Variants in CDH13 observed in about 807,000 individuals in gnomAD.
CDH13 encodes cadherin 13.
A neutral mutation model predicts 63.8 loss-of-function variants in CDH13; 24 were observed. The observed-to-expected ratio is 0.38, with a 90% CI of 0.27 to 0.53. The LOEUF is 0.53. Among genes scored for constraint, CDH13 ranks in the 20% least tolerant of loss-of-function variants. The pLI, the probability that CDH13 is intolerant of heterozygous loss-of-function variation, is 0.85. For synonymous variants in CDH13, 503 were observed against 355.3 expected, an observed-to-expected ratio of 1.42 and a Z score of -4.67; for missense variants, 1,049 against 903.1, an observed-to-expected ratio of 1.16 and a Z score of -2.07.
intron 3 of CDH13, among the ~76,000 whole-genome samples, chr16:83,105,901 A>G (rs532875301): frequency 2.0e-5 from 3 of 152,328 alleles, no homozygotes; most frequent in East Asian, 3.9e-4. Flanking sequence ...AGTTAGAGAA[A>G]CGACACAATG....
intron 2 of CDH13, among the ~76,000 whole-genome samples, chr16:83,007,680 T>G (rs1913676349): frequency 6.6e-6 from 1 of 151,992 alleles, no homozygotes; most frequent in South Asian, 2.1e-4. Flanking sequence ...AAATATTAGC[T>G]GGGCAGGGTG....
intron 4 of CDH13, among the ~76,000 whole-genome samples, chr16:83,143,329 A>G (rs1446588479): frequency 6.6e-6 from 1 of 152,226 alleles, no homozygotes; most frequent in Non-Finnish European, 1.5e-5. Flanking sequence ...AAGAAAAAAT[A>G]TTTAGGAAAG....
At position 83,795,140 on chromosome 16, in the gene CDH13, G is replaced by C. The variant is rs1185891998; in HGVS notation, c.*110G>C. ...TTACAGCTATCGAACTTCACAACTA[G>C]GCCTCAATTGTTCCGGTTTTTTATT... On this transcript the variant is annotated 3_prime_UTR_variant, in exon 14 of 14. Coordinates refer to ENST00000567109, the MANE Select transcript of CDH13 (RefSeq NM_001257.5). The C allele has an allele frequency of 1.2e-6, 1 of 842,176 alleles. No individual in the cohort carries two copies. The highest frequency in any genetic ancestry group is 2.7e-5 in the Admixed American group (1 of 37,042). The allele number at this position is 842,176 out of a possible 1,614,324, so 52.2% of individuals were successfully genotyped here.
At chr16:83,097,805 G>T (rs753502853) in intron 3 of CDH13, among the ~76,000 whole-genome samples, 1 of 152,198 alleles carries the variant, frequency 6.6e-6, no homozygotes, top group African/African-American at 2.4e-5. Context: ...AGTTTTCTCA[G>T]CTCCAATTTT....
At chr16:83,092,338 T>C (rs2033956218) in intron 3 of CDH13, among the ~76,000 whole-genome samples, 1 of 152,236 alleles carries the variant, frequency 6.6e-6, no homozygotes, top group Admixed American at 6.5e-5. Context: ...TCCTAGCATT[T>C]GATTGACGGC....
chr16:83,192,539 A>G (rs1380521577), intron 4 of CDH13, among the ~76,000 whole-genome samples: 1 of 152,168 alleles, frequency 6.6e-6, no homozygotes, highest in Non-Finnish European at 1.5e-5. Context: ...ATATCCCCAG[A>G]GCTGTATCCA....
intron 1 of CDH13, among the ~76,000 whole-genome samples, chr16:82,852,530 C>T (rs916318949): frequency 6.6e-6 from 1 of 152,200 alleles, no homozygotes; most frequent in Non-Finnish European, 1.5e-5. Context: ...TCCTTCCACC[C>T]TTATTCTGTT....
chr16:83,463,905 A>C (rs141302731), intron 6 of CDH13, among the ~76,000 whole-genome samples: 1 of 152,314 alleles, frequency 6.6e-6, no homozygotes, highest in Non-Finnish European at 1.5e-5. Flanking sequence ...AAGACAGTGC[A>C]GTCCTTCTGT....
chr16:82,938,796 C>G (rs1297805255), intron 2 of CDH13, among the ~76,000 whole-genome samples: 1 of 152,194 alleles, frequency 6.6e-6, no homozygotes. Flanking sequence ...TAAGAAAACT[C>G]TGGAAGTAAT....
intron 2 of CDH13, among the ~76,000 whole-genome samples, chr16:82,937,798 T>G (rs2042717582): frequency 1.3e-5 from 2 of 152,232 alleles, no homozygotes; most frequent in African/African-American, 4.8e-5. Flanking sequence ...TTCTGATGAT[T>G]TGTAGATTTA....
chr16:83,377,792 G>C (rs994085586), intron 6 of CDH13, among the ~76,000 whole-genome samples: 1 of 152,264 alleles, frequency 6.6e-6, no homozygotes, highest in East Asian at 1.9e-4. Context: ...AAAGGCAAGA[G>C]AAGTGAGATT....
intron 10 of CDH13, among the ~76,000 whole-genome samples, chr16:83,682,654 C>T (rs895017674): frequency 2.0e-5 from 3 of 152,114 alleles, no homozygotes; most frequent in Non-Finnish European, 2.9e-5. Context: ...CCTCACTCCT[C>T]CTCCTTCCTC....
chr16:82,788,439 C>T (rs1472085098), intron 1 of CDH13, among the ~76,000 whole-genome samples: 2 of 152,150 alleles, frequency 1.3e-5, no homozygotes, highest in East Asian at 3.9e-4. Context: ...GGCCTTGGCA[C>T]ATGTTGGGCA....
chr16:82,886,660 A>G (rs925917101), intron 2 of CDH13, among the ~76,000 whole-genome samples: 4 of 151,884 alleles, frequency 2.6e-5, no homozygotes, highest in Middle Eastern at 3.4e-3. Flanking sequence ...CTCTTTTCCA[A>G]TTTATGAAAA....
intron 13 of CDH13, among the ~76,000 whole-genome samples, chr16:83,786,295 G>A (rs554115673): frequency 2.0e-4 from 30 of 152,288 alleles, no homozygotes; most frequent in African/African-American, 6.7e-4. Flanking sequence ...GCCACTGTGT[G>A]ATAAGAGCAA....
intron 1 of CDH13, among the ~76,000 whole-genome samples, chr16:82,768,032 T>C (rs542278302): frequency 6.6e-6 from 1 of 151,958 alleles, no homozygotes; most frequent in South Asian, 2.1e-4. Context: ...GTGCCTTGGG[T>C]TGAGGCTAAA....
intron 6 of CDH13, among the ~76,000 whole-genome samples, chr16:83,457,367 C>T (rs917680328): frequency 2.6e-5 from 4 of 152,220 alleles, no homozygotes; most frequent in East Asian, 3.9e-4. Flanking sequence ...GCAGGGTGGG[C>T]ACTGAAGGGC....
intron 1 of CDH13, among the ~76,000 whole-genome samples, chr16:82,659,496 AC>A (rs1414870919): frequency 1.3e-5 from 2 of 152,224 alleles, no homozygotes; most frequent in African/African-American, 4.8e-5. Context: ...GGAAATTGGA[AC>A]AAAAAATAAC....
intron 1 of CDH13, among the ~76,000 whole-genome samples, chr16:82,682,514 T>C (rs1214715971): frequency 6.6e-6 from 1 of 152,224 alleles, no homozygotes; most frequent in Non-Finnish European, 1.5e-5. Context: ...ATTTACTTTC[T>C]CTTAAACTGA....
Sources: allele counts gnomAD v4.1 joint callset (sites outside exome capture counted in the v4.1 genomes callset), GRCh38; gene constraint gnomAD v4.1.1; transcripts MANE v1.5; gene names NCBI Gene and HGNC (gene_info 2026-07-23, HGNC 2026-07-21).